NOS1: variants seen among roughly 807,000 people sequenced by gnomAD.
The protein encoded by NOS1 is nitric oxide synthase 1, also known as NOS type I.
Under a neutral mutation model 164.5 loss-of-function variants are expected in NOS1, and 51 were observed. The ratio of observed to expected loss-of-function variants is 0.31; its 90% CI spans 0.25 to 0.39. The LOEUF is 0.39. NOS1 is among the 10% of genes least tolerant of loss of function. The pLI is 1.00. For missense variants in NOS1, 1,362 were observed against 1,885.6 expected (o/e 0.72, Z 5.14); for synonymous variants, 719 against 745.8 (o/e 0.96, Z 0.59).
intron 9 of NOS1, among the ~76,000 whole-genome samples, chr12:117,276,396 C>T (rs1873181585): frequency 6.6e-6 from 1 of 152,206 alleles, no homozygotes; most frequent in Admixed American, 6.5e-5. Flanking sequence ...GATTCTCCTG[C>T]CTCAGCATCC....
chr12:117,279,373 A>C (rs2136008109), intron 8 of NOS1, among the ~76,000 whole-genome samples: 1 of 150,088 alleles, frequency 6.7e-6, no homozygotes, highest in East Asian at 1.9e-4. Context: ...ATCTCAAAAA[A>C]CAAAAAAAAA....
intron 1 of NOS1, among the ~76,000 whole-genome samples, chr12:117,333,054 G>A (rs541800134): frequency 3.9e-5 from 6 of 152,350 alleles, no homozygotes; most frequent in African/African-American, 1.4e-4. Flanking sequence ...GCAAGCACCT[G>A]TAGCATGTGC....
rs1048507856 is a variant in NOS1 at position 117,211,725 on chromosome 12, C to G, written c.*3584G>C. On this transcript the variant is annotated 3_prime_UTR_variant, in exon 29 of 29. Transcript: ENST00000317775. ...AGTGAAATCCCGCCCATTTCTCAAACCCCAGAAATTTATGTCAGTTCCAAG... is the reference window on the plus strand; with the variant it reads ...AGTGAAATCCCGCCCATTTCTCAAAGCCCAGAAATTTATGTCAGTTCCAAG... The G allele has an allele frequency of 2.0e-5, 20 of 985,374 alleles. No homozygotes were observed. Among genetic ancestry groups the G allele is most frequent in the Non-Finnish European group, 2.3e-5 (19 of 830,028 alleles). The allele number at this position is 985,374 out of a possible 1,614,324, so 61.0% of individuals were successfully genotyped here. A position where few individuals can be genotyped will look rare whatever the true frequency, so the allele number is the denominator to read the frequency against.
Position 117,215,081 on chromosome 12 carries a change from A to G in NOS1, c.*228T>C, listed in dbSNP as rs1453381266. ...GAGGGAGTGGGAACAGAGTTTTGTAAGAGCCACTGCAGATTAGAAAAGCAT... is the reference window on the plus strand; with the variant it reads ...GAGGGAGTGGGAACAGAGTTTTGTAGGAGCCACTGCAGATTAGAAAAGCAT... On this transcript the variant is annotated 3_prime_UTR_variant, in exon 29 of 29. Transcript: ENST00000317775. 14 of 1,228,896 alleles carry G rather than the reference A, an allele frequency of 1.1e-5. No individual in the cohort carries two copies. The highest frequency in any genetic ancestry group is 1.4e-5 in the Non-Finnish European group (14 of 981,286). 76.1% of individuals were successfully genotyped at this position (1,228,896 alleles called of 1,614,324 possible). A position where few individuals can be genotyped will look rare whatever the true frequency, so the allele number is the denominator to read the frequency against.
intron 1 of NOS1, among the ~76,000 whole-genome samples, chr12:117,360,644 C>T (rs1362936303): frequency 6.6e-6 from 1 of 152,194 alleles, no homozygotes; most frequent in Non-Finnish European, 1.5e-5. Context: ...GAGCGATGTT[C>T]CGGGAGCGGA....
intron 2 of NOS1, among the ~76,000 whole-genome samples, chr12:117,316,259 G>A (rs1874663073): frequency 6.6e-6 from 1 of 151,970 alleles, no homozygotes. Flanking sequence ...GCACACGTGG[G>A]GAAGTCTACA....
At position 117,234,902 on chromosome 12, in the gene NOS1, C is replaced by A. The variant is rs1869572752; in HGVS notation, c.3042-144G>T. ...GTGCTAACCAAGCCTATGCCCCCATCATTCTATTATTATTATTATTATTAT... is the reference window on the plus strand; with the variant it reads ...GTGCTAACCAAGCCTATGCCCCCATAATTCTATTATTATTATTATTATTAT... On this transcript the variant is annotated intron_variant, in intron 20 of 28. Transcript: ENST00000317775. The surrounding 1 kb of genome is among the most constrained non-coding windows in gnomAD (Gnocchi z 4.3). 1 of 512,952 alleles carries A rather than the reference C, an allele frequency of 1.9e-6. No individual in the cohort carries two copies. Among genetic ancestry groups the A allele is most frequent in the Non-Finnish European group, 3.3e-6 (1 of 305,960 alleles). 31.8% of individuals were successfully genotyped at this position (512,952 alleles called of 1,614,324 possible). A position where few individuals can be genotyped will look rare whatever the true frequency, so the allele number is the denominator to read the frequency against.
intron 3 of NOS1, among the ~76,000 whole-genome samples, chr12:117,297,913 G>A (rs1418431508): frequency 2.0e-5 from 3 of 151,980 alleles, no homozygotes; most frequent in South Asian, 2.1e-4. Context: ...GCAGGCAGGC[G>A]CCTCCAAGAC....
At chr12:117,280,173 T>C (rs1417749142) in intron 8 of NOS1, among the ~76,000 whole-genome samples, 1 of 152,182 alleles carries the variant, frequency 6.6e-6, no homozygotes, top group East Asian at 1.9e-4. Context: ...TGGTAGTCAC[T>C]TTCCTGGTGG....
chr12:117,224,435 G>A (rs943450900), intron 25 of NOS1, among the ~76,000 whole-genome samples: 6 of 152,074 alleles, frequency 3.9e-5, no homozygotes, highest in African/African-American at 9.7e-5. Flanking sequence ...ACATGTGCCC[G>A]CCACCACGCC....
Position 117,208,970 on chromosome 12 carries a change from G to T in NOS1, c.*6339C>A. 1.1e-6 allele frequency: 1 copy of T among 923,086 alleles called. No homozygotes were observed. Among genetic ancestry groups the T allele is most frequent in the Non-Finnish European group, 1.3e-6 (1 of 773,250 alleles). The allele number at this position is 923,086 out of a possible 1,614,324, so 57.2% of individuals were successfully genotyped here. A position where few individuals can be genotyped will look rare whatever the true frequency, so the allele number is the denominator to read the frequency against. On this transcript the variant is annotated 3_prime_UTR_variant, in exon 29 of 29. Transcript: ENST00000317775. ...ACTCCCAGCCTCAAGTGATCTGCCA[G>T]CCTCGGCCTCCCAAAGTCCTGTGAT...
rs368058039 is a variant in NOS1 at position 117,351,278 on chromosome 12, C to T, written c.-421+10234G>A. Among the ~76,000 whole-genome samples, 42 of 152,214 alleles carry T rather than the reference C, an allele frequency of 2.8e-4. 1 individual carries two copies. In the South Asian group the frequency reaches 7.3e-3, roughly 26 times the overall value. ...CTGTAGTCTGGCAGGGTCTGCATTC[C>T]CTTCTGAGTATAGCTTCTACAGGGA... is the stretch of plus-strand genomic sequence containing the variant. On this transcript the variant is annotated intron_variant, in intron 1 of 28. Coordinates refer to ENST00000317775, the MANE Select transcript of NOS1 (RefSeq NM_000620.5).
At chr12:117,318,574 C>G (rs561268019) in intron 2 of NOS1, among the ~76,000 whole-genome samples, 66 of 152,354 alleles carry the variant, frequency 4.3e-4, no homozygotes, top group Non-Finnish European at 7.9e-4. Flanking sequence ...ATCCTTCCAA[C>G]TGAGGCTTCC....
At chr12:117,279,659 G>C (rs1397824661) in intron 8 of NOS1, among the ~76,000 whole-genome samples, 3 of 152,224 alleles carry the variant, frequency 2.0e-5, no homozygotes, top group Non-Finnish European at 4.4e-5. Context: ...GCTCAGCAAG[G>C]TTTCCAGAGA....
In NOS1 at chr12:117,215,169, G is replaced by C. The variant is rs144042938; in HGVS notation, c.*140C>G. 2.3e-6 allele frequency: 3 copies of C among 1,329,406 alleles called. No individual in the cohort carries two copies. The highest frequency in any genetic ancestry group is 1.5e-5 in the African/African-American group (1 of 66,938). The allele number at this position is 1,329,406 out of a possible 1,614,324, so 82.4% of individuals were successfully genotyped here. ...AGGGCCGAGGAAACCACTGAGGGGC[G>C]AGAAGCCCGAGGAGGGAAACCAGGG... On this transcript the variant is annotated 3_prime_UTR_variant, in exon 29 of 29. Coordinates refer to ENST00000317775, the MANE Select transcript of NOS1 (RefSeq NM_000620.5).
rs536094655 is a variant in NOS1, at chr12:117,313,382, C to A, written c.726-1790G>T. On this transcript the variant is annotated intron_variant, in intron 2 of 28. Transcript: ENST00000317775. ...CAATCATAGCTCACTGCAGCCTTGA[C>A]CTCCTAGGCTCGAGCGATCCTCCCA... Among the ~76,000 whole-genome samples, 3 of 152,192 alleles carry A rather than the reference C, an allele frequency of 2.0e-5. No homozygotes were observed. In the South Asian group the frequency reaches 6.2e-4, roughly 32 times the overall value.
At chr12:117,359,876 TTATATATATATATATATATATA>T (rs56787288) in intron 1 of NOS1, among the ~76,000 whole-genome samples, 375 of 36,960 alleles carry the variant, frequency 0.01, 17 homozygotes, top group East Asian at 0.044. Flanking sequence ...AATAATGGTT[TTATATATATATATATATATATA>T]TATATATATA....
At position 117,263,663 on chromosome 12, in the gene NOS1, G is replaced by T. The variant is rs544140211; in HGVS notation, c.2222+226C>A. ...CAACACACCATTGCCCCCAGGACAA[G>T]AATTTAGGAAACCAGTGTGAGGAAA... On this transcript the variant is annotated intron_variant, in intron 13 of 28. Transcript: ENST00000317775. Among the ~76,000 whole-genome samples, 5 of 151,456 alleles carry T rather than the reference G, an allele frequency of 3.3e-5. No homozygotes were observed. In the South Asian group the frequency reaches 6.3e-4, roughly 19 times the overall value.
intron 1 of NOS1, among the ~76,000 whole-genome samples, chr12:117,344,638 T>G (rs374131258): frequency 6.6e-6 from 1 of 152,238 alleles, no homozygotes; most frequent in Admixed American, 6.5e-5. Flanking sequence ...CTATATATTT[T>G]TAGCTCAATT....
Sources: gnomAD v4.1 joint callset for allele counts (sites outside exome capture counted in the v4.1 genomes callset) on GRCh38, gnomAD v4.1.1 for gene constraint, Gnocchi (gnomAD v3.1) non-coding constraint, MANE v1.5 for transcripts, NCBI Gene and HGNC (gene_info 2026-07-23, HGNC 2026-07-21) for gene names.